The following LRP1B variants were observed in gnomAD, a reference collection of about 807,000 sequenced individuals.
LRP1B encodes the protein LDL receptor related protein 1B.
In LRP1B, 217 loss-of-function variants were observed where a neutral mutation model predicts 556.6. The observed-to-expected ratio is 0.39, with a 90% CI of 0.35 to 0.44. LRP1B has a LOEUF of 0.44. LRP1B is among the 20% of genes least tolerant of loss of function. The pLI, the probability that LRP1B is intolerant of heterozygous loss-of-function variation, is 1.00. For synonymous variants in LRP1B, 2,047 were observed against 1,865.8 expected (o/e 1.10, Z -2.50); for missense variants, 5,053 against 5,620.8 (o/e 0.90, Z 3.23).
chr2:140,478,041 T>C lies in LRP1B; in HGVS notation c.9426-2704A>G, dbSNP rs546786608. Among the ~76,000 whole-genome samples the C allele has an allele frequency of 3.3e-5, 5 of 152,104 alleles. No individual in the cohort carries two copies. The South Asian group carries it at 8.3e-4, about 25-fold the overall frequency. ...CATGAAAAACTGTTGTGCTTACAAA[T>C]AGTTCTTTGGAAGAAAAAACTTATC... On this transcript the variant is annotated intron_variant, in intron 59 of 90. Transcript: ENST00000389484.
intron 3 of LRP1B, among the ~76,000 whole-genome samples, chr2:141,280,177 C>T (rs909892434): frequency 2.0e-5 from 3 of 152,060 alleles, no homozygotes; most frequent in African/African-American, 4.8e-5. Context: ...AAGAGAGATA[C>T]ATGCACATGC....
chr2:140,561,647 C>G (rs996784688), intron 43 of LRP1B, among the ~76,000 whole-genome samples: 2 of 151,806 alleles, frequency 1.3e-5, no homozygotes, highest in African/African-American at 4.8e-5. Context: ...GATGAATTGT[C>G]TCAAGTAATT....
intron 7 of LRP1B, among the ~76,000 whole-genome samples, chr2:141,163,698 G>T (rs904379025): frequency 2.0e-5 from 3 of 151,890 alleles, no homozygotes; most frequent in African/African-American, 4.8e-5. Flanking sequence ...TATTTGGCTC[G>T]CATTCTCTCG....
chr2:140,419,938 G>A (rs561126044), intron 66 of LRP1B, among the ~76,000 whole-genome samples: 1 of 151,728 alleles, frequency 6.6e-6, no homozygotes, highest in Non-Finnish European at 1.5e-5. Context: ...AACCCAGGAA[G>A]CGGAGCTTGC....
intron 84 of LRP1B, among the ~76,000 whole-genome samples, chr2:140,291,320 T>TATATATATACATATATATATATA (rs745524571): frequency 1.9e-5 from 1 of 51,856 alleles, no homozygotes; most frequent in East Asian, 7.1e-4. Flanking sequence ...ATATATATAT[T>TATATATATACATATATATATATA]TTTATTATAC....
At position 141,060,384 on chromosome 2, in the gene LRP1B, G is replaced by T. The variant is rs574736207; in HGVS notation, c.1237-1330C>A. Among the ~76,000 whole-genome samples, 36 of 151,642 alleles carry T rather than the reference G, an allele frequency of 2.4e-4. 1 individual carries two copies. In the South Asian group the frequency reaches 4.1e-3, roughly 17 times the overall value. On this transcript the variant is annotated intron_variant, in intron 8 of 90. Coordinates refer to ENST00000389484, the MANE Select transcript of LRP1B (RefSeq NM_018557.3). ...TGGACATGTGTTGTATTTATGTGTG[G>T]GTCCAGGCATATGTGTATTTACTAA...
At chr2:141,889,659 T>C (rs987927075) in intron 1 of LRP1B, among the ~76,000 whole-genome samples, 4 of 152,150 alleles carry the variant, frequency 2.6e-5, no homozygotes, top group African/African-American at 9.7e-5. Flanking sequence ...ACTGTCACAC[T>C]TTGCATAATC....
chr2:140,719,440 A>G (rs1213631694), intron 35 of LRP1B, among the ~76,000 whole-genome samples: 1 of 152,078 alleles, frequency 6.6e-6, no homozygotes, highest in Admixed American at 6.6e-5. Flanking sequence ...CCTTCATTTC[A>G]TATTACTTTC....
At chr2:140,966,928 C>A (rs1427463646) in intron 18 of LRP1B, among the ~76,000 whole-genome samples, 1 of 152,086 alleles carries the variant, frequency 6.6e-6, no homozygotes, top group African/African-American at 2.4e-5. Context: ...CAGTACTATG[C>A]TGTTTTGGTT....
chr2:140,726,529 G>A (rs982773939), intron 35 of LRP1B, among the ~76,000 whole-genome samples: 1 of 152,080 alleles, frequency 6.6e-6, no homozygotes, highest in Non-Finnish European at 1.5e-5. Flanking sequence ...TGAAAAATGT[G>A]GGAGTGATAT....
At chr2:140,724,913 T>TC (rs1382423634) in intron 35 of LRP1B, among the ~76,000 whole-genome samples, 1 of 152,206 alleles carries the variant, frequency 6.6e-6, no homozygotes, top group Non-Finnish European at 1.5e-5. Flanking sequence ...ATACATTTCT[T>TC]CTTTAAAGGT....
At chr2:140,472,032 T>G (rs1361796652) in intron 60 of LRP1B, among the ~76,000 whole-genome samples, 1 of 152,210 alleles carries the variant, frequency 6.6e-6, no homozygotes, top group Non-Finnish European at 1.5e-5. Flanking sequence ...TTAGCAGTCT[T>G]CAGTACTGCT....
At chr2:141,351,157 T>C (rs1688430018) in intron 3 of LRP1B, among the ~76,000 whole-genome samples, 1 of 152,020 alleles carries the variant, frequency 6.6e-6, no homozygotes, top group African/African-American at 2.4e-5. Flanking sequence ...ATGATGGATA[T>C]AAGCACTGGA....
At chr2:141,106,033 G>C (rs1021905942) in intron 7 of LRP1B, among the ~76,000 whole-genome samples, 17 of 152,132 alleles carry the variant, frequency 1.1e-4, no homozygotes, top group African/African-American at 4.1e-4. Flanking sequence ...ATAGAAAGTT[G>C]CTTGAACACC....
intron 3 of LRP1B, among the ~76,000 whole-genome samples, chr2:141,337,836 C>G (rs1412418975): frequency 2.0e-5 from 3 of 152,146 alleles, no homozygotes; most frequent in Admixed American, 2.0e-4. Context: ...TTTTGAAAAA[C>G]CATCTAAAGT....
chr2:141,876,774 G>A (rs935179963), intron 1 of LRP1B, among the ~76,000 whole-genome samples: 2 of 151,616 alleles, frequency 1.3e-5, no homozygotes, highest in African/African-American at 2.4e-5. Context: ...TGTCATTATC[G>A]AGGGTAATTA....
intron 7 of LRP1B, among the ~76,000 whole-genome samples, chr2:141,134,528 T>C (rs1248002507): frequency 6.6e-6 from 1 of 151,902 alleles, no homozygotes; most frequent in Non-Finnish European, 1.5e-5. Context: ...GACAGTTCTT[T>C]GTAGCTCAGA....
intron 11 of LRP1B, among the ~76,000 whole-genome samples, chr2:141,035,352 C>CAAT (rs145532424): frequency 0.032 from 4,857 of 150,386 alleles, 107 homozygotes; most frequent in Middle Eastern, 0.055. Flanking sequence ...ACTTGAAGTA[C>CAAT]AATAATAATA....
At chr2:140,246,197 T>C (rs374192193) in intron 87 of LRP1B, among the ~76,000 whole-genome samples, 1 of 151,348 alleles carries the variant, frequency 6.6e-6, no homozygotes, top group African/African-American at 2.4e-5. Flanking sequence ...TGAAACACTA[T>C]GCTTTTTGCT....
Sources: gnomAD v4.1 joint callset for allele counts (sites outside exome capture counted in the v4.1 genomes callset) on GRCh38, gnomAD v4.1.1 for gene constraint, MANE v1.5 for transcripts, NCBI Gene and HGNC (gene_info 2026-07-23, HGNC 2026-07-21) for gene names.